The following PCDHGA5 variants were observed in gnomAD, a reference collection of about 807,000 sequenced individuals.
PCDHGA5 encodes the protein protocadherin gamma subfamily A, 5.
PCDHGA5 carries 36 observed loss-of-function variants against 56.7 expected under a neutral mutation model. The ratio of observed to expected loss-of-function variants is 0.64; its 90% CI spans 0.49 to 0.84. The LOEUF (loss-of-function observed/expected upper bound fraction) is 0.84. Among genes scored for constraint, PCDHGA5 ranks in the 40% least tolerant of loss-of-function variants. The pLI, the probability that PCDHGA5 is intolerant of heterozygous loss-of-function variation, is 0.00. For missense variants in PCDHGA5, 1,305 were observed against 1,201.5 expected, an observed-to-expected ratio of 1.09 and a Z score of -1.27; for synonymous variants, 563 against 520.2, an observed-to-expected ratio of 1.08 and a Z score of -1.12.
chr5:141,395,364 A>G, intron 1 of PCDHGA5: 1 of 1,264,440 alleles, frequency 7.9e-7, no homozygotes, highest in Non-Finnish European at 1.1e-6. Flanking sequence ...TTTTGGGTTT[A>G]TTTTGGTGGT....
intron 1 of PCDHGA5, chr5:141,385,071 G>T (rs1325191501): frequency 6.2e-7 from 1 of 1,614,088 alleles, no homozygotes; most frequent in Non-Finnish European, 8.5e-7. Flanking sequence ...AGTCACGCCT[G>T]CTGCAGGCTT....
chr5:141,495,545 A>G (rs1174346915), intron 2 of PCDHGA5, among the ~76,000 whole-genome samples: 3 of 151,824 alleles, frequency 2.0e-5, no homozygotes, highest in Non-Finnish European at 4.4e-5. Flanking sequence ...CTCAGTCTCT[A>G]TCTCGCTTTG....
At chr5:141,368,314 C>T (rs928484151) in intron 1 of PCDHGA5, among the ~76,000 whole-genome samples, 1 of 152,080 alleles carries the variant, frequency 6.6e-6, no homozygotes, top group Admixed American at 6.6e-5. Context: ...TGTTAAAGAG[C>T]ATTCAAGTAT....
intron 1 of PCDHGA5, chr5:141,383,307 A>G (rs1207101754): frequency 3.1e-6 from 5 of 1,613,874 alleles, no homozygotes; most frequent in Non-Finnish European, 4.2e-6. Flanking sequence ...TCTTGACGGA[A>G]GAAATAAATG....
chr5:141,463,747 G>A (rs994400482), intron 1 of PCDHGA5, among the ~76,000 whole-genome samples: 13 of 152,082 alleles, frequency 8.5e-5, no homozygotes, highest in Middle Eastern at 3.4e-3. Context: ...CGCCCGGCCT[G>A]CTTCTCTTCT....
chr5:141,392,955 A>G, intron 1 of PCDHGA5: 1 of 1,613,920 alleles, frequency 6.2e-7, no homozygotes, highest in Non-Finnish European at 8.5e-7. Flanking sequence ...CGTGGGTAAT[A>G]TCTCCAAGGA....
chr5:141,385,024 C>T lies in PCDHGA5; in HGVS notation c.2421+18273C>T, dbSNP rs756021455. 5.6e-6 allele frequency: 9 copies of T among 1,614,158 alleles called. No individual in the cohort carries two copies. In the East Asian group the frequency reaches 1.1e-4, roughly 20 times the overall value. ...CTCCTGCGTCTTCCTAGCCTTCGTC[C>T]TCGTACTGCTGGCGCTCAGGCTGCG... On this transcript the variant is annotated intron_variant, in intron 1 of 3. Coordinates refer to ENST00000518069, the MANE Select transcript of PCDHGA5 (RefSeq NM_018918.3).
rs372676262 is a variant in PCDHGA5 at position 141,404,832 on chromosome 5, G to A, written c.2421+38081G>A. On this transcript the variant is annotated intron_variant, in intron 1 of 3. Coordinates refer to ENST00000518069, the MANE Select transcript of PCDHGA5 (RefSeq NM_018918.3). ...GTGGGGCTGCACACAGGTGAAGTGCGCACAGCTCGGGCCCTGCTAGATAGA... is the reference window on the plus strand; with the variant it reads ...GTGGGGCTGCACACAGGTGAAGTGCACACAGCTCGGGCCCTGCTAGATAGA... 34 of 1,613,864 alleles carry A rather than the reference G, an allele frequency of 2.1e-5. No individual in the cohort carries two copies. Among genetic ancestry groups the A allele is most frequent in the Middle Eastern group, 1.6e-4 (1 of 6,062 alleles).
At chr5:141,482,719 G>C (rs1221351410) in intron 1 of PCDHGA5, among the ~76,000 whole-genome samples, 1 of 129,252 alleles carries the variant, frequency 7.7e-6, no homozygotes, top group African/African-American at 3.5e-5. Flanking sequence ...GGCAGGGAGG[G>C]GCCATTGCAA....
intron 1 of PCDHGA5, chr5:141,398,671 A>G (rs759202675): frequency 1.2e-6 from 2 of 1,614,018 alleles, no homozygotes; most frequent in Non-Finnish European, 1.7e-6. Context: ...CTCATTAATA[A>G]TTAAGGAGAA....
intron 1 of PCDHGA5, among the ~76,000 whole-genome samples, chr5:141,434,021 C>A (rs1023145172): frequency 2.0e-5 from 3 of 152,052 alleles, no homozygotes; most frequent in Admixed American, 2.0e-4. Context: ...TTCTATGATT[C>A]TGGAAGCATG....
chr5:141,493,440 G>A lies in PCDHGA5; in HGVS notation c.2422-1367G>A, dbSNP rs2099748297. The stretch of plus-strand genomic sequence containing the variant: ...TTTTGCTTCTGCTGGGATGGGGCAA[G>A]GGTGGGGTTCCTTCCCTTTTAGGAC... On this transcript the variant is annotated intron_variant, in intron 1 of 3. Coordinates refer to ENST00000518069, the MANE Select transcript of PCDHGA5 (RefSeq NM_018918.3). The surrounding 1 kb of genome is among the most constrained non-coding windows in gnomAD (Gnocchi z 4.3). Among the ~76,000 whole-genome samples, 1 of 152,208 alleles carries A rather than the reference G, an allele frequency of 6.6e-6. No homozygotes were observed. Among genetic ancestry groups the A allele is most frequent in the African/African-American group, 2.4e-5 (1 of 41,450 alleles).
intron 1 of PCDHGA5, chr5:141,409,191 A>G: frequency 1.2e-6 from 2 of 1,613,970 alleles, no homozygotes; most frequent in African/African-American, 2.7e-5. Flanking sequence ...CTCTCTACCC[A>G]GTGTAAAGTA....
chr5:141,470,622 A>G (rs1323376824), intron 1 of PCDHGA5, among the ~76,000 whole-genome samples: 6 of 152,336 alleles, frequency 3.9e-5, no homozygotes, highest in Admixed American at 6.5e-5. Flanking sequence ...CTTCATGCTT[A>G]GATAGGCCCC....
chr5:141,385,048 C>T (rs1015626472), intron 1 of PCDHGA5: 6 of 1,614,150 alleles, frequency 3.7e-6, no homozygotes, highest in Non-Finnish European at 3.4e-6. Flanking sequence ...GCTCAGGCTG[C>T]GGCGCTGGCA....
At chr5:141,375,325 G>A (rs1021429198) in intron 1 of PCDHGA5, 6 of 1,613,650 alleles carry the variant, frequency 3.7e-6, no homozygotes, top group Admixed American at 1.7e-5. Context: ...ACCGGGAAGA[G>A]GTATTCTTGT....
chr5:141,380,133 TA>T (rs926535688), intron 1 of PCDHGA5, among the ~76,000 whole-genome samples: 12 of 151,832 alleles, frequency 7.9e-5, no homozygotes, highest in African/African-American at 2.9e-4. Context: ...CTCCTGACCT[TA>T]AGTGATCCAC....
intron 1 of PCDHGA5, chr5:141,400,586 A>G (rs963844263): frequency 6.2e-7 from 1 of 1,607,730 alleles, no homozygotes; most frequent in Non-Finnish European, 8.5e-7. Context: ...TTTACATGAA[A>G]CTATCGTACA....
intron 1 of PCDHGA5, chr5:141,478,647 T>G (rs2099469515): frequency 6.4e-7 from 1 of 1,552,152 alleles, no homozygotes; most frequent in Non-Finnish European, 8.7e-7. Flanking sequence ...GAAGATGTTT[T>G]CCTGGTGATG....
Sources: gnomAD v4.1 joint callset for allele counts (sites outside exome capture counted in the v4.1 genomes callset) on GRCh38, gnomAD v4.1.1 for gene constraint, Gnocchi (gnomAD v3.1) non-coding constraint, MANE v1.5 for transcripts, NCBI Gene and HGNC (gene_info 2026-07-23, HGNC 2026-07-21) for gene names.